BPNT2: variants seen among roughly 807,000 people sequenced by gnomAD.
BPNT2 encodes Golgi-resident adenosine 3',5'-bisphosphate 3'-phosphatase.
In BPNT2, 11 loss-of-function variants were observed where a neutral mutation model predicts 29.3. The ratio of observed to expected loss-of-function variants is 0.38; its 90% CI spans 0.24 to 0.62. BPNT2 has a LOEUF of 0.62. BPNT2 is among the 20% of genes least tolerant of loss of function. BPNT2 has a pLI of 0.62. For missense variants in BPNT2, 459 were observed against 473.4 expected, an observed-to-expected ratio of 0.97 and a Z score of 0.28; for synonymous variants, 195 against 187.7, an observed-to-expected ratio of 1.04 and a Z score of -0.32.
intron 1 of BPNT2, among the ~76,000 whole-genome samples, chr8:56,981,426 A>G (rs988431322): frequency 6.6e-6 from 1 of 152,038 alleles, no homozygotes; most frequent in Non-Finnish European, 1.5e-5. Flanking sequence ...TTAGCCAGGC[A>G]TGGTGGTGCG....
chr8:56,989,883 C>T (rs1293667851), intron 1 of BPNT2, among the ~76,000 whole-genome samples: 1 of 152,174 alleles, frequency 6.6e-6, no homozygotes, highest in African/African-American at 2.4e-5. Flanking sequence ...ATTAGCTGTC[C>T]TACTATCTCT....
intron 3 of BPNT2, among the ~76,000 whole-genome samples, chr8:56,972,443 A>C (rs1466670116): frequency 6.6e-6 from 1 of 152,154 alleles, no homozygotes; most frequent in Non-Finnish European, 1.5e-5. Flanking sequence ...GAAAAAAAAA[A>C]CAAGAAAACT....
At chr8:56,978,252 T>C (rs1585562555) in intron 2 of BPNT2, 107 bp from the exon 3 acceptor site, 4 of 789,132 alleles carry the variant, frequency 5.1e-6, no homozygotes, top group Non-Finnish European at 8.9e-6. Flanking sequence ...ATACATGAAA[T>C]ATCTTTCCAA....
chr8:56,967,479 G>C (rs1563405410), intron 3 of BPNT2, among the ~76,000 whole-genome samples: 1 of 152,124 alleles, frequency 6.6e-6, no homozygotes, highest in African/African-American at 2.4e-5. Flanking sequence ...CCTAGTGTGG[G>C]GATTATAGCA....
Position 56,959,739 on chromosome 8 carries a change from T to C in BPNT2, c.*4054A>G, listed in dbSNP as rs554299060. On this transcript the variant is annotated 3_prime_UTR_variant, in exon 5 of 5. Coordinates refer to ENST00000262644, the MANE Select transcript of BPNT2 (RefSeq NM_017813.5). ...ATAAAAAACATACTTTAGTTGTAAA[T>C]GCTAGGTTATGCAAAAATAATTTTA... The C allele has an allele frequency of 7.9e-5, 12 of 152,324 alleles. No homozygotes were observed. In the East Asian group the frequency reaches 2.3e-3, roughly 29 times the overall value. The allele number at this position is 152,324 out of a possible 1,614,324, so 9.4% of individuals were successfully genotyped here. A position where few individuals can be genotyped will look rare whatever the true frequency, so the allele number is the denominator to read the frequency against.
intron 3 of BPNT2, among the ~76,000 whole-genome samples, chr8:56,974,658 C>A (rs776576724): frequency 1.3e-5 from 2 of 152,112 alleles, no homozygotes; most frequent in Non-Finnish European, 1.5e-5. Flanking sequence ...AGAGAGTTTG[C>A]GGACTAGCAA....
At chr8:56,992,712 G>GCACACACA (rs1806438260) in intron 1 of BPNT2, among the ~76,000 whole-genome samples, 2 of 101,586 alleles carry the variant, frequency 2.0e-5, no homozygotes, top group Non-Finnish European at 3.7e-5. Context: ...ACTCCCGCGA[G>GCACACACA]CGCACACACG....
chr8:56,973,774 A>G (rs1806076725), intron 3 of BPNT2, among the ~76,000 whole-genome samples: 1 of 152,230 alleles, frequency 6.6e-6, no homozygotes, highest in South Asian at 2.1e-4. Context: ...TCATTATTCA[A>G]GACTGCTTTT....
At position 56,993,435 on chromosome 8, in the gene BPNT2, C is replaced by G. The variant is rs1166093463; in HGVS notation, c.151G>C (p.Gly51Arg). 1.4e-6 allele frequency: 2 copies of G among 1,478,284 alleles called. No homozygotes were observed. Among genetic ancestry groups the G allele is most frequent in the Non-Finnish European group, 1.8e-6 (2 of 1,119,866 alleles). 91.6% of individuals were successfully genotyped at this position (1,478,284 alleles called of 1,614,324 possible). A position where few individuals can be genotyped will look rare whatever the true frequency, so the allele number is the denominator to read the frequency against. Residue 51 changes from glycine to arginine, a missense_variant, in exon 1 of 5, where the codon GGG (glycine) becomes CGG (arginine). Physicochemically the swap from Gly to Arg is moderately radical, Grantham distance 125 (BLOSUM62 -2). Coordinates refer to ENST00000262644, the MANE Select transcript of BPNT2 (RefSeq NM_017813.5). ...CCCCCATCGGCCGCGGCCGCGGGCC[C>G]CGCCGCGCCGCCGCCAGGCTCGCCG... The part of the protein sequence containing the change: ...LGGEPGGGAA[G>R]PAAAADGGTV...
chr8:56,972,417 G>A lies in BPNT2; in HGVS notation c.646+5633C>T, dbSNP rs569178829. ...CTATCTCAAGATAAATGAATACAGC[G>A]TAAGAATAATTGTGGGAAAAAAAAA... On this transcript the variant is annotated intron_variant, in intron 3 of 4. Transcript: ENST00000262644. Among the ~76,000 whole-genome samples, 193 of 151,626 alleles carry A rather than the reference G, an allele frequency of 1.3e-3. 2 individuals are homozygous for A. The highest frequency in any genetic ancestry group is 1.6e-3 in the Non-Finnish European group (112 of 67,950).
intron 3 of BPNT2, among the ~76,000 whole-genome samples, chr8:56,970,662 ATAT>A (rs1290724328): frequency 6.6e-6 from 1 of 152,192 alleles, no homozygotes; most frequent in Non-Finnish European, 1.5e-5. Context: ...TAATTTTATT[ATAT>A]TAATATACTG....
intron 3 of BPNT2, among the ~76,000 whole-genome samples, chr8:56,976,107 G>C (rs1198781340): frequency 2.0e-5 from 3 of 152,134 alleles, no homozygotes; most frequent in Non-Finnish European, 2.9e-5. Context: ...GTGAAGAGAT[G>C]CATGTTTGAC....
Position 56,980,182 on chromosome 8 carries a change from G to A in BPNT2, c.403C>T (p.His135Tyr), listed in dbSNP as rs1323863706. 1.2e-6 allele frequency: 2 copies of A among 1,613,390 alleles called. No individual in the cohort carries two copies. The highest frequency in any genetic ancestry group is 2.2e-5 in the East Asian group (1 of 44,854). The change falls in exon 2 of 5, where the codon CAC becomes TAC. Residue 135 changes from histidine (H) to tyrosine (Y), a missense_variant. Coordinates refer to ENST00000262644, the MANE Select transcript of BPNT2 (RefSeq NM_017813.5). Reference sequence around the variant, plus strand: ...ACCTCCTGATCAGCTGCATCCACGTGTTCCTCAGTATTAATCTGCATTAAA... The same window carrying A: ...ACCTCCTGATCAGCTGCATCCACGTATTCCTCAGTATTAATCTGCATTAAA... ...FPSVQINTEE[H>Y]VDAADQEVIL...
At position 56,963,273 on chromosome 8, in the gene BPNT2, T is replaced by G. The variant is rs1805871095; in HGVS notation, c.*520A>C. On this transcript the variant is annotated 3_prime_UTR_variant, in exon 5 of 5. Coordinates refer to ENST00000262644, the MANE Select transcript of BPNT2 (RefSeq NM_017813.5). ...TTTCTATTTTAATCCATAGAAATAT[T>G]CAGTAACATAAATACAACATTTGTT... The G allele has an allele frequency of 1.3e-5, 2 of 152,924 alleles. No individual in the cohort carries two copies. Among genetic ancestry groups the G allele is most frequent in the Admixed American group, 6.5e-5 (1 of 15,332 alleles). The allele number at this position is 152,924 out of a possible 1,614,324, so 9.5% of individuals were successfully genotyped here. A position where few individuals can be genotyped will look rare whatever the true frequency, so the allele number is the denominator to read the frequency against.
At chr8:56,988,684 G>A (rs184264707) in intron 1 of BPNT2, among the ~76,000 whole-genome samples, 314 of 152,212 alleles carry the variant, frequency 2.1e-3, no homozygotes, top group African/African-American at 6.9e-3. Context: ...TCGCAGATTT[G>A]TATTTTCAGT....
At chr8:56,976,268 G>T (rs1806131231) in intron 3 of BPNT2, among the ~76,000 whole-genome samples, 1 of 152,104 alleles carries the variant, frequency 6.6e-6, no homozygotes, top group Non-Finnish European at 1.5e-5. Flanking sequence ...TGCATGCCTG[G>T]CACCAGGGAA....
intron 2 of BPNT2, among the ~76,000 whole-genome samples, 188 bp downstream of exon 2, chr8:56,979,847 A>G (rs1006650603): frequency 1.3e-5 from 2 of 152,178 alleles, no homozygotes; most frequent in Non-Finnish European, 2.9e-5. Context: ...CCGAGTAAAC[A>G]TTAAATTCTG....
In BPNT2 at chr8:56,993,316, G is replaced by A; in HGVS notation, c.270C>T (p.Leu90=). The change falls in exon 1 of 5, where the codon CTC becomes CTT. Residue 90 remains leucine (L), a synonymous_variant. Coordinates refer to ENST00000262644, the MANE Select transcript of BPNT2 (RefSeq NM_017813.5). The part of the protein sequence containing the change: ...EVRRVRESNV[L]HEKSKGKTRE... ...GCGTCTTCCCCTTGGACTTCTCGTG[G>A]AGGACGTTGCTCTCGCGGACGCGCC... is the stretch of plus-strand genomic sequence containing the variant. 1 of 1,612,106 alleles carries A rather than the reference G, an allele frequency of 6.2e-7. No individual in the cohort carries two copies. The highest frequency in any genetic ancestry group is 8.5e-7 in the Non-Finnish European group (1 of 1,179,942).
At chr8:56,992,243 A>G (rs1806429322) in intron 1 of BPNT2, among the ~76,000 whole-genome samples, 1 of 152,200 alleles carries the variant, frequency 6.6e-6, no homozygotes, top group Admixed American at 6.6e-5. Flanking sequence ...CTGTTTATCT[A>G]ATAAAATTCC....
Sources: allele counts gnomAD v4.1 joint callset (sites outside exome capture counted in the v4.1 genomes callset), GRCh38; gene constraint gnomAD v4.1.1; transcripts MANE v1.5; gene names NCBI Gene and HGNC (gene_info 2026-07-23, HGNC 2026-07-21).